CACNA1E: variants seen among roughly 807,000 people sequenced by gnomAD.
CACNA1E encodes the protein voltage-dependent R-type calcium channel subunit alpha-1E.
A neutral mutation model predicts 259.2 loss-of-function variants in CACNA1E; 40 were observed. That is an observed-to-expected ratio of 0.15 (90% CI 0.12 to 0.20). CACNA1E has a LOEUF of 0.20. CACNA1E is among the 10% of genes least tolerant of loss of function. The pLI is 1.00. For missense variants in CACNA1E, 1,874 were observed against 3,040.1 expected, an observed-to-expected ratio of 0.62 and a Z score of 9.02; for synonymous variants, 1,104 against 1,138.5, an observed-to-expected ratio of 0.97 and a Z score of 0.61.
At chr1:181,718,695 A>C (rs1654157193) in intron 12 of CACNA1E, among the ~76,000 whole-genome samples, 1 of 149,962 alleles carries the variant, frequency 6.7e-6, no homozygotes, top group Non-Finnish European at 1.5e-5. Context: ...CTCACAGAGA[A>C]TATCTCAGTC....
intron 28 of CACNA1E, 66 bp downstream of exon 28, chr1:181,755,463 C>A: frequency 8.2e-7 from 1 of 1,215,374 alleles, no homozygotes; most frequent in Non-Finnish European, 1.2e-6. Flanking sequence ...CACTCCACCA[C>A]CACAGGTCCA....
chr1:181,322,557 C>T (rs1252085823), intron 1 of CACNA1E, among the ~76,000 whole-genome samples: 2 of 152,136 alleles, frequency 1.3e-5, no homozygotes, highest in South Asian at 2.1e-4. Context: ...TCATTGTAAC[C>T]TGGAAAACTG....
intron 27 of CACNA1E, among the ~76,000 whole-genome samples, chr1:181,754,562 T>G (rs1279194535): frequency 6.6e-6 from 1 of 152,190 alleles, no homozygotes; most frequent in African/African-American, 2.4e-5. Context: ...GAAGTGTAAG[T>G]CCCTAGTTCT....
chr1:181,716,873 G>A (rs1436686055), intron 10 of CACNA1E, among the ~76,000 whole-genome samples: 1 of 152,130 alleles, frequency 6.6e-6, no homozygotes, highest in Non-Finnish European at 1.5e-5. Context: ...TCCTGTCTGG[G>A]GAATCTTTCC....
intron 6 of CACNA1E, among the ~76,000 whole-genome samples, chr1:181,602,240 T>A (rs1653814282): frequency 6.6e-6 from 1 of 152,260 alleles, no homozygotes; most frequent in African/African-American, 2.4e-5. Context: ...GCAGGACTTT[T>A]GTCTCACACA....
At chr1:181,717,359 A>G (rs1653994230) in intron 11 of CACNA1E, 57 bp downstream of exon 11, 1 of 1,438,556 alleles carries the variant, frequency 7.0e-7, no homozygotes, top group Non-Finnish European at 9.8e-7. Context: ...GGGCAGCTTG[A>G]TGTGTGTGTG....
chr1:181,508,858 G>A (rs991994086), intron 1 of CACNA1E, among the ~76,000 whole-genome samples: 1 of 152,156 alleles, frequency 6.6e-6, no homozygotes, highest in Non-Finnish European at 1.5e-5. Context: ...TGAGTGGGAG[G>A]GTTTAAGCAG....
intron 27 of CACNA1E, among the ~76,000 whole-genome samples, chr1:181,752,468 G>T (rs990740005): frequency 6.6e-6 from 1 of 152,188 alleles, no homozygotes; most frequent in Non-Finnish European, 1.5e-5. Context: ...GACCCAGATG[G>T]TGTCTTCTCT....
intron 1 of CACNA1E, among the ~76,000 whole-genome samples, chr1:181,489,909 A>G (rs1245897284): frequency 6.6e-6 from 1 of 152,200 alleles, no homozygotes; most frequent in Non-Finnish European, 1.5e-5. Context: ...GCTTGGATCA[A>G]TGTTACTTTT....
At chr1:181,654,846 A>T (rs1558232366) in intron 7 of CACNA1E, among the ~76,000 whole-genome samples, 2 of 152,004 alleles carry the variant, frequency 1.3e-5, no homozygotes, top group South Asian at 2.1e-4. Flanking sequence ...TAGCCGGGCG[A>T]GGTGGCGGGC....
chr1:181,596,387 T>G (rs533117488), intron 6 of CACNA1E, among the ~76,000 whole-genome samples: 2 of 152,304 alleles, frequency 1.3e-5, no homozygotes, highest in South Asian at 4.1e-4. Flanking sequence ...CCCCACTTCT[T>G]TGCCTGCTTG....
At chr1:181,700,539 A>G (rs1333964896) in intron 7 of CACNA1E, among the ~76,000 whole-genome samples, 1 of 152,248 alleles carries the variant, frequency 6.6e-6, no homozygotes, top group Non-Finnish European at 1.5e-5. Context: ...TTACAGCATC[A>G]TAGGGTCACC....
intron 1 of CACNA1E, among the ~76,000 whole-genome samples, chr1:181,404,176 AC>A (rs1657302751): frequency 6.6e-6 from 1 of 152,224 alleles, no homozygotes; most frequent in Non-Finnish European, 1.5e-5. Context: ...CCCAAACTGT[AC>A]GGACGGTGCA....
Position 181,732,391 on chromosome 1 carries a change from C to T in CACNA1E, c.2305C>T (p.Arg769Trp), listed in dbSNP as rs1307884366. The T allele has an allele frequency of 5.9e-6, 9 of 1,520,564 alleles. No individual in the cohort carries two copies. The highest frequency in any genetic ancestry group is 2.1e-5 in the Admixed American group (1 of 47,280). The allele number at this position is 1,520,564 out of a possible 1,614,324, so 94.2% of individuals were successfully genotyped here. ...GCCCTTTCCCCTTGGCAGGAGGGAG[C>T]GGAGGCGCCGGCACCACATGTCCGT... The part of the protein sequence containing the change: ...WEPRSSHLRE[R>W]RRRHHMSVWE... The change falls in exon 20 of 48, where the codon CGG (arginine) becomes TGG (tryptophan). Residue 769 changes from arginine to tryptophan, a missense_variant. Physicochemically the swap from Arg to Trp is moderately radical, Grantham distance 101. This residue lies in a region of CACNA1E where 476 missense variants were observed against 514.0 expected (regional missense o/e 0.93). Transcript: ENST00000367573. This position sits in a 1 kb window ranked among gnomAD's most constrained non-coding sequence, Gnocchi z 5.5.
chr1:181,381,973 A>C (rs1415095256), intron 1 of CACNA1E, among the ~76,000 whole-genome samples: 1 of 152,212 alleles, frequency 6.6e-6, no homozygotes, highest in East Asian at 1.9e-4. Flanking sequence ...AAATGTGCAC[A>C]TGAGCATGGA....
chr1:181,405,471 G>C (rs767151380), intron 1 of CACNA1E, among the ~76,000 whole-genome samples: 32 of 152,144 alleles, frequency 2.1e-4, no homozygotes, highest in Non-Finnish European at 3.7e-4. Context: ...AGTCCAAGGG[G>C]TTGTAGCATT....
chr1:181,594,433 G>A (rs6682268), intron 6 of CACNA1E, among the ~76,000 whole-genome samples: 4,523 of 152,256 alleles, frequency 0.03, 100 homozygotes, highest in Non-Finnish European at 0.048. Flanking sequence ...TGGGCCAAGT[G>A]TTTCACCTAG....
At chr1:181,670,572 G>C (rs980013562) in intron 7 of CACNA1E, among the ~76,000 whole-genome samples, 11 of 152,134 alleles carry the variant, frequency 7.2e-5, no homozygotes, top group African/African-American at 2.7e-4. Flanking sequence ...GCAACTGGAG[G>C]AGCCCCAAAA....
intron 1 of CACNA1E, among the ~76,000 whole-genome samples, chr1:181,381,505 A>G (rs1324160923): frequency 6.6e-6 from 1 of 152,194 alleles, no homozygotes; most frequent in Admixed American, 6.5e-5. Context: ...AAGATGAGGA[A>G]GTGGGGAGGG....
Sources: gnomAD v4.1 joint callset for allele counts (sites outside exome capture counted in the v4.1 genomes callset) on GRCh38, gnomAD v4.1.1 for gene constraint, gnomAD v4.1.1 regional missense constraint, Gnocchi (gnomAD v3.1) non-coding constraint, MANE v1.5 for transcripts, NCBI Gene and HGNC (gene_info 2026-07-23, HGNC 2026-07-21) for gene names.